The following SYT13 variants were observed in gnomAD, a reference collection of about 807,000 sequenced individuals.
The protein encoded by SYT13 is synaptotagmin-13.
In SYT13, 21 loss-of-function variants were observed where a neutral mutation model predicts 38.6. That is an observed-to-expected ratio of 0.54 (90% confidence interval 0.39 to 0.78). The LOEUF is 0.78. Among genes scored for constraint, SYT13 ranks in the 30% least tolerant of loss-of-function variants. SYT13 has a pLI of 0.00. For synonymous variants in SYT13, 241 were observed against 237.6 expected (o/e 1.01, Z -0.13); for missense variants, 495 against 548.7 (o/e 0.90, Z 0.98).
rs1855058536 is a variant in SYT13 at position 45,280,436 on chromosome 11, C to T, written c.183+5589G>A. ...AAGTCCTCCTGGCAATAAAAAAATA[C>T]TGGCCTGGTACTCAATTAATGTTCA... On this transcript the variant is annotated intron_variant, in intron 1 of 5. Transcript: ENST00000020926. Among the ~76,000 whole-genome samples, 3 of 152,186 alleles carry T rather than the reference C, an allele frequency of 2.0e-5. No individual in the cohort carries two copies. In the East Asian group the frequency reaches 5.8e-4, roughly 29 times the overall value.
intron 1 of SYT13, among the ~76,000 whole-genome samples, chr11:45,273,348 G>T (rs1054148969): frequency 2.6e-5 from 4 of 152,122 alleles, no homozygotes; most frequent in African/African-American, 7.2e-5. Flanking sequence ...GGTGATGAAG[G>T]CCCCTCACAC....
At position 45,241,285 on chromosome 11, in the gene SYT13, A is replaced by G. The variant is rs1854547153; in HGVS notation, c.*2767T>C. On this transcript the variant is annotated 3_prime_UTR_variant, in exon 6 of 6. Transcript: ENST00000020926. ...ATTCATTAATTCACTCAACAAATAT[A>G]TATGAATATATATGGAGCACCCATG... 1 of 152,202 alleles carries G rather than the reference A, an allele frequency of 6.6e-6. No homozygotes were observed. The highest frequency in any genetic ancestry group is 2.1e-4 in the South Asian group (1 of 4,836). The allele number at this position is 152,202 out of a possible 1,614,324, so 9.4% of individuals were successfully genotyped here. A position where few individuals can be genotyped will look rare whatever the true frequency, so the allele number is the denominator to read the frequency against.
chr11:45,240,831 C>T lies in SYT13; in HGVS notation c.*3221G>A, dbSNP rs978980010. The T allele has an allele frequency of 2.6e-5, 4 of 152,216 alleles. No individual in the cohort carries two copies. Among genetic ancestry groups the T allele is most frequent in the African/African-American group, 9.6e-5 (4 of 41,456 alleles). 9.4% of individuals were successfully genotyped at this position (152,216 alleles called of 1,614,324 possible). On this transcript the variant is annotated 3_prime_UTR_variant, in exon 6 of 6. Coordinates refer to ENST00000020926, the MANE Select transcript of SYT13 (RefSeq NM_020826.3). ...GTCTCTCACCTTATTTTTACCTCTA[C>T]CTCACACCCTTTTTAGAAATGCTCA...
chr11:45,266,397 G>T (rs1854881630), intron 1 of SYT13, among the ~76,000 whole-genome samples: 1 of 152,046 alleles, frequency 6.6e-6, no homozygotes, highest in Admixed American at 6.5e-5. Flanking sequence ...CCATATGATT[G>T]TTTTAGTATT....
Position 45,244,067 on chromosome 11 carries a change from G to C in SYT13, c.1266C>G (p.His422Gln). 1 of 1,601,672 alleles carries C rather than the reference G, an allele frequency of 6.2e-7. No homozygotes were observed. Among genetic ancestry groups the C allele is most frequent in the Admixed American group, 1.7e-5 (1 of 59,860 alleles). ...GGGCAGCTGGTTACAGGTGCAGCTGGTGCCACATGGCAATCTGCCGGCGAG... is the reference window on the plus strand; with the variant it reads ...GGGCAGCTGGTTACAGGTGCAGCTGCTGCCACATGGCAATCTGCCGGCGAG... The part of the protein sequence containing the change: ...KNPRRQIAMW[H>Q]QLHL Residue 422 changes from histidine to glutamine, a missense_variant, in exon 6 of 6, where the codon CAC (histidine) becomes CAG (glutamine). By Grantham distance (24) the His-to-Gln change is conservative (BLOSUM62 0). Coordinates refer to ENST00000020926, the MANE Select transcript of SYT13 (RefSeq NM_020826.3).
chr11:45,244,298 A>G lies in SYT13; in HGVS notation c.1035T>C (p.Thr345=), dbSNP rs1326803903. Residue 345 remains threonine (T), a synonymous_variant, in exon 6 of 6, where the codon ACT becomes ACC. Transcript: ENST00000020926. Reference sequence around the variant, plus strand: ...GGTTGATCTTGTGCTTAGCTCGTTTAGTCTGCTTCTTCTTCAGCTTCCGAG... The same window carrying G: ...GGTTGATCTTGTGCTTAGCTCGTTTGGTCTGCTTCTTCTTCAGCTTCCGAG... ...HQARKLKKKQ[T]KRAKHKINPV... 1 of 1,614,050 alleles carries G rather than the reference A, an allele frequency of 6.2e-7. No homozygotes were observed. The highest frequency in any genetic ancestry group is 8.5e-7 in the Non-Finnish European group (1 of 1,180,034).
intron 1 of SYT13, among the ~76,000 whole-genome samples, chr11:45,281,707 G>A (rs2135912709): frequency 6.6e-6 from 1 of 151,968 alleles, no homozygotes; most frequent in East Asian, 1.9e-4. Context: ...CTCCTGCTGA[G>A]GGCCAAGCAA....
At position 45,269,516 on chromosome 11, in the gene SYT13, G is replaced by A. The variant is rs1238826657; in HGVS notation, c.184-13625C>T. The A allele has an allele frequency of 3.1e-6, 4 of 1,274,886 alleles. No individual in the cohort carries two copies. The African/African-American group carries it at 4.6e-5, about 15-fold the overall frequency. The allele number at this position is 1,274,886 out of a possible 1,614,324, so 79.0% of individuals were successfully genotyped here. On this transcript the variant is annotated intron_variant, in intron 1 of 5. Transcript: ENST00000020926. ...TCATATGTAACAGATGCTCTGCAATGCACAACACAAACTTTATTGTATTTA... is the reference window on the plus strand; with the variant it reads ...TCATATGTAACAGATGCTCTGCAATACACAACACAAACTTTATTGTATTTA...
At chr11:45,269,410 G>A in intron 1 of SYT13, 1 of 1,209,962 alleles carries the variant, frequency 8.3e-7, no homozygotes, top group Non-Finnish European at 1.0e-6. Flanking sequence ...ATCCTACCTA[G>A]AGATTTCCTT....
At chr11:45,256,485 A>G (rs1854748920) in intron 1 of SYT13, among the ~76,000 whole-genome samples, 1 of 151,994 alleles carries the variant, frequency 6.6e-6, no homozygotes, top group African/African-American at 2.4e-5. Flanking sequence ...CTGTTTTTGC[A>G]TGGCTGGCTC....
At chr11:45,263,951 C>A (rs1565387282) in intron 1 of SYT13, among the ~76,000 whole-genome samples, 1 of 152,190 alleles carries the variant, frequency 6.6e-6, no homozygotes, top group Non-Finnish European at 1.5e-5. Context: ...GCTCTTAGGA[C>A]AGAGGCTAGC....
chr11:45,274,029 T>A (rs898784752), intron 1 of SYT13, among the ~76,000 whole-genome samples: 6 of 152,224 alleles, frequency 3.9e-5, no homozygotes, highest in Non-Finnish European at 7.3e-5. Flanking sequence ...ATGAGCAAAG[T>A]GGGATTCAGA....
intron 4 of SYT13, among the ~76,000 whole-genome samples, chr11:45,251,386 TA>T (rs10649998): frequency 4.1e-3 from 307 of 75,336 alleles, no homozygotes; most frequent in African/African-American, 0.012. Context: ...AGACTCTGTC[TA>T]AAAAAAAAAA....
At chr11:45,272,839 C>A (rs1854966930) in intron 1 of SYT13, among the ~76,000 whole-genome samples, 1 of 152,228 alleles carries the variant, frequency 6.6e-6, no homozygotes, top group African/African-American at 2.4e-5. Context: ...ACGCACAAAG[C>A]ATCAGGCTAG....
rs184700522 is a variant in SYT13 at position 45,245,408 on chromosome 11, T to C, written c.976+975A>G. On this transcript the variant is annotated intron_variant, in intron 5 of 5. Coordinates refer to ENST00000020926, the MANE Select transcript of SYT13 (RefSeq NM_020826.3). Reference sequence around the variant, plus strand: ...ACTGTAATTGTCCTGACAGGAGCTATAAAAGAGAGCAAGAAGCAAAGAATT... The same window carrying C: ...ACTGTAATTGTCCTGACAGGAGCTACAAAAGAGAGCAAGAAGCAAAGAATT... Among the ~76,000 whole-genome samples, 311 of 152,316 alleles carry C rather than the reference T, an allele frequency of 2.0e-3. 1 individual carries two copies. Among genetic ancestry groups the C allele is most frequent in the African/African-American group, 6.6e-3 (274 of 41,568 alleles).
intron 1 of SYT13, among the ~76,000 whole-genome samples, chr11:45,273,408 G>A (rs1854973731): frequency 6.6e-6 from 1 of 152,096 alleles, no homozygotes; most frequent in Non-Finnish European, 1.5e-5. Context: ...GATGCCAAAA[G>A]GCAGAGGAGT....
intron 1 of SYT13, among the ~76,000 whole-genome samples, chr11:45,282,412 T>C (rs891899526): frequency 2.0e-5 from 3 of 152,172 alleles, no homozygotes; most frequent in African/African-American, 7.2e-5. Context: ...AGGTAATGAA[T>C]GGCCGAGGGC....
intron 1 of SYT13, among the ~76,000 whole-genome samples, chr11:45,271,033 T>C (rs1175391019): frequency 1.3e-5 from 2 of 152,114 alleles, no homozygotes; most frequent in Non-Finnish European, 2.9e-5. Flanking sequence ...GAGTTTACCA[T>C]CCCATGGTAG....
At chr11:45,251,386 TAAAAAAAA>T (rs10649998) in intron 4 of SYT13, among the ~76,000 whole-genome samples, 3 of 75,372 alleles carry the variant, frequency 4.0e-5, no homozygotes, top group Non-Finnish European at 7.1e-5. Context: ...AGACTCTGTC[TAAAAAAAA>T]AAAAAAAAAA....
Sources: allele counts gnomAD v4.1 joint callset (sites outside exome capture counted in the v4.1 genomes callset), GRCh38; gene constraint gnomAD v4.1.1; transcripts MANE v1.5; gene names NCBI Gene and HGNC (gene_info 2026-07-23, HGNC 2026-07-21).